Variants in ATP8B4 observed in about 807,000 individuals in gnomAD.
The protein encoded by ATP8B4 is probable phospholipid-transporting ATPase IM.
In ATP8B4, 133 loss-of-function variants were observed where a neutral mutation model predicts 145.6. The observed-to-expected ratio is 0.91, with a 90% confidence interval of 0.79 to 1.05. The LOEUF (loss-of-function observed/expected upper bound fraction) is 1.05, where lower values mean the gene tolerates loss of function less well. Among genes scored for constraint, ATP8B4 ranks in the 50% least tolerant of loss-of-function variants. ATP8B4 has a pLI of 0.00. For missense variants in ATP8B4, 1,458 were observed against 1,425.2 expected, an observed-to-expected ratio of 1.02 and a Z score of -0.37; for synonymous variants, 507 against 492.9, an observed-to-expected ratio of 1.03 and a Z score of -0.38.
intron 1 of ATP8B4, among the ~76,000 whole-genome samples, chr15:50,136,272 A>T (rs1032356754): frequency 6.6e-6 from 1 of 152,202 alleles, no homozygotes; most frequent in African/African-American, 2.4e-5. Context: ...CAAAGACTTC[A>T]AAGTTCACAG....
intron 23 of ATP8B4, among the ~76,000 whole-genome samples, chr15:49,882,353 T>C (rs1365196225): frequency 6.6e-6 from 1 of 152,170 alleles, no homozygotes; most frequent in African/African-American, 2.4e-5. Context: ...TTATCTTCCT[T>C]CTGATGAGTG....
chr15:49,894,402 T>G (rs1029041212), intron 23 of ATP8B4, among the ~76,000 whole-genome samples: 1 of 152,168 alleles, frequency 6.6e-6, no homozygotes, highest in Non-Finnish European at 1.5e-5. Context: ...AGTCCAGGAC[T>G]CCTATTCAGA....
At chr15:50,037,194 G>A (rs191913136) in intron 6 of ATP8B4, among the ~76,000 whole-genome samples, 138 of 152,250 alleles carry the variant, frequency 9.1e-4, no homozygotes, top group Non-Finnish European at 1.3e-3. Context: ...AATTCACTAC[G>A]TAAGTGTATT....
intron 1 of ATP8B4, among the ~76,000 whole-genome samples, chr15:50,145,527 G>T (rs2044264914): frequency 6.6e-6 from 1 of 152,126 alleles, no homozygotes; most frequent in Non-Finnish European, 1.5e-5. Context: ...TTCCATGTAG[G>T]TGCGTCACCC....
chr15:50,050,744 TA>T (rs2052115999), intron 3 of ATP8B4, among the ~76,000 whole-genome samples: 1 of 152,166 alleles, frequency 6.6e-6, no homozygotes. Flanking sequence ...ATATGTTTTA[TA>T]TAAAACATAT....
rs528407878 is a variant in ATP8B4, at chr15:49,888,876, G to A, written c.2697+8416C>T. ...GGCAGTTGAGTTGGAGCGTTTGCCA[G>A]CAGAAGGTGTCCTCAAGCTTCCAGA... On this transcript the variant is annotated intron_variant, in intron 23 of 27. Coordinates refer to ENST00000284509, the MANE Select transcript of ATP8B4 (RefSeq NM_024837.4). 2.0e-5 allele frequency among the ~76,000 whole-genome samples: 3 copies of A among 152,206 alleles called. No individual in the cohort carries two copies. The South Asian group carries it at 6.2e-4, about 32-fold the overall frequency.
At chr15:50,101,963 G>A (rs1456984774) in intron 2 of ATP8B4, among the ~76,000 whole-genome samples, 1 of 151,982 alleles carries the variant, frequency 6.6e-6, no homozygotes, top group Admixed American at 6.6e-5. Context: ...GCAAATAAAT[G>A]GAAATTAAAT....
At chr15:49,879,902 C>A (rs1351673985) in intron 23 of ATP8B4, 1 of 152,634 alleles carries the variant, frequency 6.6e-6, no homozygotes, top group African/African-American at 2.4e-5. Context: ...TTATTTCTAT[C>A]CTGTGTTAAA....
chr15:50,141,930 A>G (rs2044217982), intron 1 of ATP8B4, among the ~76,000 whole-genome samples: 2 of 152,164 alleles, frequency 1.3e-5, no homozygotes, highest in Non-Finnish European at 2.9e-5. Context: ...AAGCCAGAGG[A>G]GGGAGCAACT....
upstream of ATP8B4, among the ~76,000 whole-genome samples, chr15:50,121,598 T>C (rs1050869929): frequency 2.0e-5 from 3 of 152,170 alleles, no homozygotes; most frequent in Non-Finnish European, 2.9e-5. Flanking sequence ...TAGAGGACTA[T>C]TACTAGTGTG....
chr15:49,898,576 T>C (rs1377086353), intron 21 of ATP8B4, among the ~76,000 whole-genome samples: 2 of 152,200 alleles, frequency 1.3e-5, no homozygotes, highest in Non-Finnish European at 2.9e-5. Context: ...ACCATTAAAA[T>C]TGATGAAAAC....
chr15:49,879,643 C>T (rs116795595), intron 23 of ATP8B4, 184 bp from the exon 24 acceptor site: 5 of 557,284 alleles, frequency 9.0e-6, no homozygotes, highest in Non-Finnish European at 1.6e-5. Flanking sequence ...TACTAGATCT[C>T]TCTAAACGGC....
chr15:49,977,321 C>T (rs1599570293), intron 12 of ATP8B4, among the ~76,000 whole-genome samples: 1 of 152,082 alleles, frequency 6.6e-6, no homozygotes, highest in Admixed American at 6.6e-5. Flanking sequence ...CTTTTTCCCT[C>T]GAGTTAAGAT....
intron 1 of ATP8B4, among the ~76,000 whole-genome samples, chr15:50,172,720 A>G (rs2044697354): frequency 6.8e-6 from 1 of 146,686 alleles, no homozygotes; most frequent in African/African-American, 2.6e-5. Flanking sequence ...CTGGCTGCCC[A>G]TCGTCTGAGA....
intron 23 of ATP8B4, among the ~76,000 whole-genome samples, chr15:49,882,414 C>A (rs1389876255): frequency 6.6e-6 from 1 of 152,172 alleles, no homozygotes; most frequent in East Asian, 1.9e-4. Context: ...TGTCTATCTT[C>A]GTGCAGTGGG....
intron 23 of ATP8B4, among the ~76,000 whole-genome samples, chr15:49,891,566 T>A (rs1224762307): frequency 6.6e-6 from 1 of 152,170 alleles, no homozygotes; most frequent in African/African-American, 2.4e-5. Flanking sequence ...CCTCAAGCGA[T>A]CTGCCCACCT....
intron 1 of ATP8B4, among the ~76,000 whole-genome samples, chr15:50,154,829 C>T (rs1020708583): frequency 6.6e-5 from 10 of 152,102 alleles, no homozygotes; most frequent in African/African-American, 2.2e-4. Context: ...TGCTCACCAC[C>T]ATGCCCAGCT....
intron 9 of ATP8B4, among the ~76,000 whole-genome samples, chr15:49,993,876 A>C (rs1390800489): frequency 1.3e-5 from 2 of 152,176 alleles, no homozygotes; most frequent in Non-Finnish European, 2.9e-5. Flanking sequence ...AATCATAAAA[A>C]AGAGAGGTCT....
chr15:50,072,978 CTCTATATATATATA>C (rs2053902975), intron 3 of ATP8B4, among the ~76,000 whole-genome samples: 1 of 21,474 alleles, frequency 4.7e-5, no homozygotes, highest in African/African-American at 2.1e-4. Context: ...CTCTCTCTCT[CTCTATATATATATA>C]TATATATATA....
Sources: allele counts gnomAD v4.1 joint callset (sites outside exome capture counted in the v4.1 genomes callset), GRCh38; gene constraint gnomAD v4.1.1; transcripts MANE v1.5; gene names NCBI Gene and HGNC (gene_info 2026-07-23, HGNC 2026-07-21).